NBAS: variants seen among roughly 807,000 people sequenced by gnomAD.
The protein encoded by NBAS is NAG/BC035112 fusion.
A neutral mutation model predicts 302.5 loss-of-function variants in NBAS; 219 were observed. The observed-to-expected ratio is 0.72, with a 90% CI of 0.65 to 0.81. The LOEUF is 0.81. Ranked by LOEUF, NBAS falls within the 30% of genes least tolerant of loss-of-function variation. The pLI, the probability that NBAS is intolerant of heterozygous loss-of-function variation, is 0.00. For missense variants in NBAS, 2,932 were observed against 2,841.6 expected, an observed-to-expected ratio of 1.03 and a Z score of -0.72; for synonymous variants, 1,118 against 1,021.6, an observed-to-expected ratio of 1.09 and a Z score of -1.80.
chr2:14,880,031 AC>A, the NBAS span, among the ~76,000 whole-genome samples: 72 of 152,320 alleles, frequency 4.7e-4, no homozygotes, highest in Admixed American at 2.2e-3. Context: ...GAAGGAGCCA[AC>A]CTGAAAGAAG....
At chr2:14,912,267 A>C in the NBAS span, among the ~76,000 whole-genome samples, 1 of 152,346 alleles carries the variant, frequency 6.6e-6, no homozygotes, top group East Asian at 1.9e-4. Flanking sequence ...AAAAGTGCTT[A>C]GAAAGGTGCC....
the NBAS span, among the ~76,000 whole-genome samples, chr2:15,020,933 G>A: frequency 6.6e-6 from 1 of 152,094 alleles, no homozygotes; most frequent in Non-Finnish European, 1.5e-5. Flanking sequence ...ACTGGGTGCT[G>A]TACAAAAAGC....
chr2:15,223,520 A>G (rs1667036807), intron 47 of NBAS, among the ~76,000 whole-genome samples: 2 of 152,176 alleles, frequency 1.3e-5, no homozygotes, highest in African/African-American at 2.4e-5. Flanking sequence ...GAACATCATT[A>G]TTTCAAAACT....
the NBAS span, among the ~76,000 whole-genome samples, chr2:15,003,337 G>A: frequency 6.6e-6 from 1 of 152,136 alleles, no homozygotes; most frequent in Admixed American, 6.5e-5. Flanking sequence ...TTATATTCTT[G>A]TATTTATTTG....
intron 48 of NBAS, among the ~76,000 whole-genome samples, chr2:15,212,328 G>T (rs1030526797): frequency 1.3e-5 from 2 of 152,112 alleles, no homozygotes; most frequent in Non-Finnish European, 2.9e-5. Context: ...ACACCCTTCC[G>T]TGTTGCCTGA....
the NBAS span, among the ~76,000 whole-genome samples, chr2:15,013,787 A>AAATTAATT: frequency 2.4e-4 from 36 of 152,114 alleles, no homozygotes; most frequent in African/African-American, 8.2e-4. Flanking sequence ...TCCACCTCAA[A>AAATTAATT]AATTAATTAA....
intron 22 of NBAS, among the ~76,000 whole-genome samples, chr2:15,426,785 G>A (rs958207047): frequency 2.6e-5 from 4 of 152,146 alleles, no homozygotes; most frequent in South Asian, 2.1e-4. Context: ...TCCTGCTGGA[G>A]TCTAACCTCG....
intron 11 of NBAS, among the ~76,000 whole-genome samples, chr2:15,493,628 T>C (rs1028686660): frequency 1.3e-4 from 19 of 151,338 alleles, no homozygotes; most frequent in Middle Eastern, 3.4e-3. Flanking sequence ...GATCACGCCA[T>C]TGCACTGCAG....
At chr2:14,883,611 C>T in the NBAS span, among the ~76,000 whole-genome samples, 13,971 of 152,140 alleles carry the variant, frequency 0.092, 1,029 homozygotes, top group African/African-American at 0.2. Context: ...ACACCAGCTC[C>T]GTCACTACAG....
chr2:15,124,961 C>T, the NBAS span, among the ~76,000 whole-genome samples: 2 of 152,186 alleles, frequency 1.3e-5, no homozygotes, highest in Admixed American at 6.5e-5. Flanking sequence ...AGCCCACACA[C>T]AGAGTCCCCA....
chr2:14,828,602 C>G, the NBAS span, among the ~76,000 whole-genome samples: 1 of 151,986 alleles, frequency 6.6e-6, no homozygotes, highest in Non-Finnish European at 1.5e-5. Context: ...ACTTTAATGA[C>G]TGTGCAAAAA....
chr2:15,556,069 AT>A (rs1222172574), intron 3 of NBAS, among the ~76,000 whole-genome samples: 1 of 152,182 alleles, frequency 6.6e-6, no homozygotes, highest in Non-Finnish European at 1.5e-5. Context: ...GAAATTGTAA[AT>A]ATGCATACAT....
chr2:15,328,671 T>C (rs893450274), intron 36 of NBAS, among the ~76,000 whole-genome samples: 5 of 152,220 alleles, frequency 3.3e-5, no homozygotes, highest in Non-Finnish European at 5.9e-5. Flanking sequence ...GAAAACGTCA[T>C]CTTGTCTGTG....
chr2:15,132,821 T>G, the NBAS span, among the ~76,000 whole-genome samples: 1 of 151,926 alleles, frequency 6.6e-6, no homozygotes, highest in South Asian at 2.1e-4. Context: ...ATAATTTTTT[T>G]TTAAACAGGA....
intron 50 of NBAS, chr2:15,179,365 AATGCTC>A: frequency 2.0e-6 from 1 of 501,634 alleles, no homozygotes; most frequent in Non-Finnish European, 3.6e-6. Context: ...ATGGCTTTGT[AATGCTC>A]ATTGTACAGA....
chr2:14,991,089 G>A, the NBAS span, among the ~76,000 whole-genome samples: 1 of 152,078 alleles, frequency 6.6e-6, no homozygotes, highest in African/African-American at 2.4e-5. Context: ...AGACGAGTTA[G>A]CAGGGCAGAT....
At chr2:14,997,456 T>G in the NBAS span, among the ~76,000 whole-genome samples, 3 of 148,886 alleles carry the variant, frequency 2.0e-5, no homozygotes, top group Non-Finnish European at 3.0e-5. Context: ...TGTGCTTGTT[T>G]TTTTTTTTTT....
At chr2:15,523,561 C>T (rs560508782) in intron 9 of NBAS, among the ~76,000 whole-genome samples, 4 of 152,170 alleles carry the variant, frequency 2.6e-5, no homozygotes, top group South Asian at 2.1e-4. Flanking sequence ...TTGGTATGAA[C>T]GAGGGGTCCT....
the NBAS span, among the ~76,000 whole-genome samples, chr2:15,098,572 TATA>T: frequency 4.1e-5 from 5 of 120,512 alleles, no homozygotes; most frequent in Non-Finnish European, 8.1e-5. Flanking sequence ...ATATATTGTA[TATA>T]ATGTATTATA....
Sources: allele counts gnomAD v4.1 joint callset (sites outside exome capture counted in the v4.1 genomes callset), GRCh38; gene constraint gnomAD v4.1.1; transcripts MANE v1.5; gene names NCBI Gene and HGNC (gene_info 2026-07-23, HGNC 2026-07-21).